The following LAMA2 variants were observed in gnomAD, a reference collection of about 807,000 sequenced individuals.
The protein encoded by LAMA2 is laminin subunit alpha 2.
In LAMA2, 269 loss-of-function variants were observed where a neutral mutation model predicts 364.8. The observed-to-expected ratio is 0.74, with a 90% CI of 0.67 to 0.82. The LOEUF (loss-of-function observed/expected upper bound fraction) is 0.82, where lower values mean the gene tolerates loss of function less well. LAMA2 is among the 40% of genes least tolerant of loss of function. The probability of loss-of-function intolerance (pLI) is 0.00; values close to 1 mark genes in which losing one functional copy is unlikely to be tolerated. For synonymous variants in LAMA2, 1,379 were observed against 1,370.6 expected, an observed-to-expected ratio of 1.01 and a Z score of -0.14; for missense variants, 3,807 against 3,873.2, an observed-to-expected ratio of 0.98 and a Z score of 0.45.
intron 4 of LAMA2, 42 bp from the exon 5 acceptor site, chr6:129,143,859 T>A (rs757725635): frequency 7.2e-7 from 1 of 1,398,242 alleles, no homozygotes; most frequent in South Asian, 1.2e-5. Context: ...ATATTTAAAT[T>A]TTGGAAAACA....
intron 12 of LAMA2, among the ~76,000 whole-genome samples, chr6:129,212,584 A>G (rs147410987): frequency 6.6e-6 from 1 of 152,258 alleles, no homozygotes; most frequent in African/African-American, 2.4e-5. Flanking sequence ...CCTGACTTCC[A>G]CTGCAGATCT....
At chr6:128,907,674 G>A (rs1331124586) in intron 1 of LAMA2, among the ~76,000 whole-genome samples, 16 of 152,062 alleles carry the variant, frequency 1.1e-4, no homozygotes, top group Admixed American at 9.8e-4. Flanking sequence ...ACACTATATT[G>A]AATAGGAGTG....
chr6:129,360,345 A>T (rs529369507), intron 32 of LAMA2, among the ~76,000 whole-genome samples: 1 of 152,282 alleles, frequency 6.6e-6, no homozygotes, highest in Non-Finnish European at 1.5e-5. Flanking sequence ...TTGTTGCCAG[A>T]CACTTTGGAC....
intron 1 of LAMA2, among the ~76,000 whole-genome samples, chr6:129,017,975 T>C (rs1178671885): frequency 6.6e-6 from 1 of 151,982 alleles, no homozygotes; most frequent in African/African-American, 2.4e-5. Context: ...AAATCAGAAA[T>C]TTTGTTTCTG....
At chr6:129,157,583 T>G (rs578257719) in intron 8 of LAMA2, 8 of 1,613,154 alleles carry the variant, frequency 5.0e-6, no homozygotes, top group African/African-American at 4.0e-5. Flanking sequence ...TTCTCAACGC[T>G]GTGAGTCTGG....
chr6:129,157,651 C>G (rs540267228), intron 8 of LAMA2: 53 of 1,612,300 alleles, frequency 3.3e-5, no homozygotes, highest in Non-Finnish European at 4.3e-5. Flanking sequence ...CGTAGACATT[C>G]ATCACTGTTC....
intron 60 of LAMA2, among the ~76,000 whole-genome samples, chr6:129,504,672 C>G (rs189737704): frequency 3.9e-5 from 6 of 152,192 alleles, no homozygotes; most frequent in Non-Finnish European, 8.8e-5. Context: ...CTTACTCCCC[C>G]ACTTTGTACT....
intron 34 of LAMA2, among the ~76,000 whole-genome samples, chr6:129,371,628 A>G (rs1778086864): frequency 1.4e-5 from 2 of 139,734 alleles, no homozygotes; most frequent in African/African-American, 2.7e-5. Flanking sequence ...TTTTTTTGAG[A>G]CAGAGTCTTG....
At chr6:129,350,232 A>G (rs1028640371) in intron 31 of LAMA2, among the ~76,000 whole-genome samples, 1 of 152,230 alleles carries the variant, frequency 6.6e-6, no homozygotes, top group African/African-American at 2.4e-5. Context: ...CATAATTGAT[A>G]GCAGTATAAA....
intron 18 of LAMA2, 88 bp from the exon 19 acceptor site, chr6:129,287,759 C>A (rs1583421248): frequency 9.1e-7 from 1 of 1,096,464 alleles, no homozygotes; most frequent in East Asian, 2.3e-5. Context: ...AATCCATCAT[C>A]CTGGGAGAAG....
intron 55 of LAMA2, among the ~76,000 whole-genome samples, chr6:129,485,316 T>A (rs181616127): frequency 6.6e-6 from 1 of 152,300 alleles, no homozygotes; most frequent in Admixed American, 6.5e-5. Flanking sequence ...ATAAAACAGA[T>A]TCCTATTAAA....
At chr6:129,081,960 T>G (rs556297364) in intron 3 of LAMA2, among the ~76,000 whole-genome samples, 9 of 152,250 alleles carry the variant, frequency 5.9e-5, no homozygotes, top group African/African-American at 1.9e-4. Context: ...AGAAACTTGT[T>G]TAATTAATAT....
At chr6:129,158,663 C>T in intron 8 of LAMA2, 1 of 1,614,174 alleles carries the variant, frequency 6.2e-7, no homozygotes, top group Non-Finnish European at 8.5e-7. Context: ...GCAAAACCAG[C>T]CATCGAATGC....
At chr6:129,214,680 T>C (rs1165111646) in intron 12 of LAMA2, among the ~76,000 whole-genome samples, 1 of 152,220 alleles carries the variant, frequency 6.6e-6, no homozygotes, top group African/African-American at 2.4e-5. Flanking sequence ...TTGATAACTA[T>C]AGTTTTATAC....
At chr6:129,261,435 G>A (rs1013519572) in intron 15 of LAMA2, among the ~76,000 whole-genome samples, 8 of 152,030 alleles carry the variant, frequency 5.3e-5, no homozygotes, top group Non-Finnish European at 8.8e-5. Flanking sequence ...ACTTAATACC[G>A]CAGTGTGTCA....
chr6:129,056,872 A>T (rs1413000351), intron 2 of LAMA2, among the ~76,000 whole-genome samples: 1 of 148,238 alleles, frequency 6.7e-6, no homozygotes, highest in Admixed American at 6.8e-5. Context: ...CTGGGAATAC[A>T]GGCACCCGCC....
rs73775417 is a variant in LAMA2 at position 129,445,565 on chromosome 6, A to T, written c.6275-102A>T. On this transcript the variant is annotated intron_variant, in intron 44 of 64. Transcript: ENST00000421865. ...AGCTGTTATGGCCATGCTTTGTCACATTAATAAGATGAAATTGTTTGGTTA... is the reference window on the plus strand; with the variant it reads ...AGCTGTTATGGCCATGCTTTGTCACTTTAATAAGATGAAATTGTTTGGTTA... 1.3e-5 allele frequency: 13 copies of T among 991,898 alleles called. No individual in the cohort carries two copies. In the East Asian group the frequency reaches 3.2e-4, roughly 24 times the overall value. The allele number at this position is 991,898 out of a possible 1,614,324, so 61.4% of individuals were successfully genotyped here. A position where few individuals can be genotyped will look rare whatever the true frequency, so the allele number is the denominator to read the frequency against.
chr6:129,334,543 ATAAT>A (rs1452199682), intron 29 of LAMA2, among the ~76,000 whole-genome samples: 1 of 152,238 alleles, frequency 6.6e-6, no homozygotes, highest in Non-Finnish European at 1.5e-5. Context: ...CAATCAGTTG[ATAAT>A]TAATCAAAAA....
Position 129,154,636 on chromosome 6 carries a change from G to A in LAMA2, c.1159G>A (p.Gly387Ser). 6.2e-7 allele frequency: 1 copy of A among 1,613,936 alleles called. No homozygotes were observed. The highest frequency in any genetic ancestry group is 8.5e-7 in the Non-Finnish European group (1 of 1,179,934). ...CATTAATTGTACCCAAAACACTGCT[G>A]GTATAAACTGCGAGACATGTACTGA... The part of the protein sequence containing the change: ...VCINCTQNTA[G>S]INCETCTDGF... The change falls in exon 8 of 65, where the codon GGT (glycine) becomes AGT (serine). Residue 387 changes from glycine to serine, a missense_variant. Coordinates refer to ENST00000421865, the MANE Select transcript of LAMA2 (RefSeq NM_000426.4).
Sources: gnomAD v4.1 joint callset for allele counts (sites outside exome capture counted in the v4.1 genomes callset) on GRCh38, gnomAD v4.1.1 for gene constraint, MANE v1.5 for transcripts, NCBI Gene and HGNC (gene_info 2026-07-23, HGNC 2026-07-21) for gene names.